Variants in RAI14 observed in about 807,000 individuals in gnomAD.
The protein encoded by RAI14 is ankycorbin.
A neutral mutation model predicts 115.4 loss-of-function variants in RAI14; 45 were observed. The observed-to-expected ratio is 0.39, with a 90% CI of 0.31 to 0.50. The LOEUF is 0.50. Among genes scored for constraint, RAI14 ranks in the 20% least tolerant of loss-of-function variants. RAI14 has a pLI of 0.85. For missense variants in RAI14, 939 were observed against 1,131.2 expected (o/e 0.83, Z 2.44); for synonymous variants, 371 against 415.4 (o/e 0.89, Z 1.30).
At chr5:34,662,705 T>C (rs924341951) in intron 1 of RAI14, among the ~76,000 whole-genome samples, 8 of 147,244 alleles carry the variant, frequency 5.4e-5, no homozygotes, top group African/African-American at 2.0e-4. Flanking sequence ...AGTAAAATGT[T>C]GCACAATTTA....
Position 34,791,707 on chromosome 5 carries a change from G to A in RAI14, c.168-4232G>A, listed in dbSNP as rs989471154. 2.0e-5 allele frequency among the ~76,000 whole-genome samples: 3 copies of A among 152,156 alleles called. No homozygotes were observed. The highest frequency in any genetic ancestry group is 2.0e-4 in the Admixed American group (3 of 15,272). On this transcript the variant is annotated intron_variant, in intron 3 of 17. Coordinates refer to ENST00000265109, the MANE Select transcript of RAI14 (RefSeq NM_015577.3). The surrounding 1 kb of genome is among the most constrained non-coding windows in gnomAD (Gnocchi z 5.4). ...TTTACAAATATGTGGCCAGATTAGG[G>A]GAAACCAGTAAGGTTGGGAATGCCG...
At chr5:34,736,432 G>T (rs935439458) in intron 2 of RAI14, among the ~76,000 whole-genome samples, 9 of 149,082 alleles carry the variant, frequency 6.0e-5, no homozygotes, top group African/African-American at 9.9e-5. Flanking sequence ...AGTGTTTTTT[G>T]TTTTTTTTTT....
chr5:34,798,404 A>C (rs1258259443), intron 4 of RAI14, among the ~76,000 whole-genome samples: 3 of 151,658 alleles, frequency 2.0e-5, no homozygotes, highest in Admixed American at 6.6e-5. Context: ...ATAGTAAACT[A>C]TAAAGAAGAA....
In RAI14 at chr5:34,823,798, C is replaced by T; in HGVS notation, c.1956C>T (p.Tyr652=). The stretch of plus-strand genomic sequence containing the variant: ...AGGTGAGCGAGCTGTCACAGCTGTA[C>T]AAAGAAGCCCAGGCTGAGCTGGAGG... The part of the protein sequence containing the change: ...NKQVSELSQL[Y]KEAQAELEDY... The change falls in exon 15 of 18, where the codon TAC becomes TAT. Residue 652 remains tyrosine, a synonymous_variant. Coordinates refer to ENST00000265109, the MANE Select transcript of RAI14 (RefSeq NM_015577.3). This position sits in a 1 kb window ranked among gnomAD's most constrained non-coding sequence, Gnocchi z 4.5. The T allele has an allele frequency of 6.2e-7, 1 of 1,614,060 alleles. No homozygotes were observed. The highest frequency in any genetic ancestry group is 1.3e-5 in the African/African-American group (1 of 75,020).
intron 2 of RAI14, chr5:34,688,201 G>T (rs1262058683): frequency 6.4e-7 from 1 of 1,551,154 alleles, no homozygotes; most frequent in East Asian, 2.4e-5. Context: ...CTGGCTGTAT[G>T]TTATGCAGCC....
chr5:34,788,279 T>C (rs1350064940), intron 3 of RAI14, among the ~76,000 whole-genome samples: 1 of 152,054 alleles, frequency 6.6e-6, no homozygotes, highest in Non-Finnish European at 1.5e-5. Context: ...TCTTGTGCAT[T>C]GTAGAGATGG....
At chr5:34,779,868 T>A (rs1751384286) in intron 3 of RAI14, among the ~76,000 whole-genome samples, 1 of 152,122 alleles carries the variant, frequency 6.6e-6, no homozygotes, top group Admixed American at 6.5e-5. Context: ...GGAAAAAAAC[T>A]ACTTTAAAGT....
intron 2 of RAI14, among the ~76,000 whole-genome samples, chr5:34,729,810 A>G (rs914811397): frequency 1.3e-5 from 2 of 152,236 alleles, no homozygotes; most frequent in Non-Finnish European, 2.9e-5. Context: ...TTTGCAATGT[A>G]TGAACCTCAT....
chr5:34,679,301 C>T (rs1414935934), intron 1 of RAI14, among the ~76,000 whole-genome samples: 1 of 152,182 alleles, frequency 6.6e-6, no homozygotes, highest in African/African-American at 2.4e-5. Context: ...TCTGTGTTTC[C>T]AGCGTAACCG....
intron 1 of RAI14, among the ~76,000 whole-genome samples, chr5:34,659,442 C>G (rs1742526200): frequency 6.6e-6 from 1 of 151,868 alleles, no homozygotes; most frequent in Admixed American, 6.6e-5. Flanking sequence ...TAATTTTTTT[C>G]ATTTTTGTAG....
intron 3 of RAI14, among the ~76,000 whole-genome samples, chr5:34,788,860 T>C (rs1752614746): frequency 1.3e-5 from 2 of 152,050 alleles, no homozygotes; most frequent in Admixed American, 1.3e-4. Context: ...TCCCGGCTAC[T>C]TGGGAGGCTG....
At chr5:34,770,275 T>C (rs1332051308) in intron 3 of RAI14, among the ~76,000 whole-genome samples, 1 of 152,208 alleles carries the variant, frequency 6.6e-6, no homozygotes, top group Non-Finnish European at 1.5e-5. Flanking sequence ...CACAGCTTTC[T>C]CTCCTAAGAA....
intron 2 of RAI14, among the ~76,000 whole-genome samples, chr5:34,705,668 A>G (rs1740620885): frequency 6.6e-6 from 1 of 151,970 alleles, no homozygotes; most frequent in Non-Finnish European, 1.5e-5. Flanking sequence ...TTTTTTTGTG[A>G]CAGAGTTTCA....
chr5:34,712,866 C>A (rs544681486), intron 2 of RAI14, among the ~76,000 whole-genome samples: 1 of 151,800 alleles, frequency 6.6e-6, no homozygotes, highest in Non-Finnish European at 1.5e-5. Flanking sequence ...ATATGCCATG[C>A]GGTATTATTT....
In RAI14 at chr5:34,824,096, A is replaced by T. The variant is rs770800010; in HGVS notation, c.2254A>T (p.Ser752Cys). ...TAAKEMEEKI[S>C]NLKEHLASKE... Reference sequence around the variant, plus strand: ...AGCAAAAGAGATGGAAGAAAAAATAAGCAATCTTAAGGAACACCTTGCAAG... The same window carrying T: ...AGCAAAAGAGATGGAAGAAAAAATATGCAATCTTAAGGAACACCTTGCAAG... The change falls in exon 15 of 18, where the codon AGC (serine) becomes TGC (cysteine). Residue 752 changes from serine (S) to cysteine (C), a missense_variant. Coordinates refer to ENST00000265109, the MANE Select transcript of RAI14 (RefSeq NM_015577.3). 4.3e-5 allele frequency: 69 copies of T among 1,614,102 alleles called. No homozygotes were observed. The South Asian group carries it at 7.1e-4, about 17-fold the overall frequency.
chr5:34,669,126 A>T (rs1212169412), intron 1 of RAI14, among the ~76,000 whole-genome samples: 1 of 152,228 alleles, frequency 6.6e-6, no homozygotes, highest in Non-Finnish European at 1.5e-5. Context: ...AAGTGCTGGG[A>T]TTACAGGCGT....
At chr5:34,776,798 CCCTT>C (rs1750900668) in intron 3 of RAI14, among the ~76,000 whole-genome samples, 1 of 146,614 alleles carries the variant, frequency 6.8e-6, no homozygotes, top group Non-Finnish European at 1.5e-5. Flanking sequence ...CAGAGTGAGA[CCCTT>C]TATTAAAAAA....
intron 2 of RAI14, among the ~76,000 whole-genome samples, chr5:34,751,891 C>T (rs1272837621): frequency 6.6e-6 from 1 of 152,298 alleles, no homozygotes; most frequent in African/African-American, 2.4e-5. Context: ...AAAATTCTTT[C>T]AAGTGAATTC....
chr5:34,754,176 GA>G (rs1265543609), intron 2 of RAI14, among the ~76,000 whole-genome samples: 6 of 152,150 alleles, frequency 3.9e-5, no homozygotes, highest in African/African-American at 1.4e-4. Flanking sequence ...GCAAGTTTAG[GA>G]AGGAAAACTG....
Sources: gnomAD v4.1 joint callset for allele counts (sites outside exome capture counted in the v4.1 genomes callset) on GRCh38, gnomAD v4.1.1 for gene constraint, Gnocchi (gnomAD v3.1) non-coding constraint, MANE v1.5 for transcripts, NCBI Gene and HGNC (gene_info 2026-07-23, HGNC 2026-07-21) for gene names.